The following FIP1L1 variants were observed in gnomAD, a reference collection of about 807,000 sequenced individuals.
FIP1L1 encodes factor interacting with PAPOLA and CPSF1, also known as pre-mRNA 3'-end-processing factor FIP1.
FIP1L1 carries 21 observed loss-of-function variants against 84.6 expected under a neutral mutation model. That is an observed-to-expected ratio of 0.25 (90% confidence interval 0.18 to 0.36). The LOEUF is 0.36. Among genes scored for constraint, FIP1L1 ranks in the 10% least tolerant of loss-of-function variants. The pLI is 1.00. For synonymous variants in FIP1L1, 263 were observed against 242.3 expected, an observed-to-expected ratio of 1.09 and a Z score of -0.80; for missense variants, 526 against 751.1, an observed-to-expected ratio of 0.70 and a Z score of 3.50.
chr4:53,378,716 C>T (rs959764532), intron 1 of FIP1L1: 1 of 224,972 alleles, frequency 4.4e-6, no homozygotes, highest in African/African-American at 2.3e-5. Flanking sequence ...AAGTCACAAT[C>T]CCTTCTTGCT....
intron 10 of FIP1L1, among the ~76,000 whole-genome samples, chr4:53,401,130 C>T (rs1750033408): frequency 6.6e-6 from 1 of 152,158 alleles, no homozygotes; most frequent in Admixed American, 6.5e-5. Context: ...TATCTATATT[C>T]AGTGGATTCA....
intron 16 of FIP1L1, 152 bp from the exon 17 acceptor site, chr4:53,458,501 A>G (rs1720696514): frequency 3.3e-6 from 2 of 602,126 alleles, no homozygotes; most frequent in Admixed American, 3.4e-5. Flanking sequence ...TTTTCCTCTC[A>G]ATTCAACGAA....
intron 10 of FIP1L1, among the ~76,000 whole-genome samples, chr4:53,409,395 G>T (rs1193189380): frequency 1.3e-5 from 2 of 152,238 alleles, no homozygotes; most frequent in Admixed American, 6.5e-5. Context: ...TGAGGTGTCA[G>T]TCTGCCCCTA....
intron 10 of FIP1L1, among the ~76,000 whole-genome samples, chr4:53,404,345 A>AT (rs944439958): frequency 6.6e-6 from 1 of 151,710 alleles, no homozygotes. Context: ...TGAACTCATC[A>AT]TTTTTTTATG....
intron 16 of FIP1L1, among the ~76,000 whole-genome samples, chr4:53,454,542 A>G (rs893190458): frequency 2.0e-5 from 3 of 152,236 alleles, no homozygotes; most frequent in African/African-American, 7.2e-5. Context: ...ATTGTTAGGA[A>G]AAAACAGAGT....
At chr4:53,444,383 A>G (rs62325225) in intron 15 of FIP1L1, among the ~76,000 whole-genome samples, 16,835 of 152,184 alleles carry the variant, frequency 0.11, 1,075 homozygotes, top group East Asian at 0.16. Flanking sequence ...ATTTGTCTCA[A>G]TCTTCGTTGT....
intron 9 of FIP1L1, among the ~76,000 whole-genome samples, chr4:53,398,420 A>G (rs1433864131): frequency 1.3e-5 from 2 of 152,258 alleles, no homozygotes; most frequent in Non-Finnish European, 2.9e-5. Context: ...CTATCTGACT[A>G]TAATGGCTCA....
chr4:53,386,306 A>G (rs1445867375), intron 5 of FIP1L1, among the ~76,000 whole-genome samples: 3 of 152,154 alleles, frequency 2.0e-5, no homozygotes, highest in African/African-American at 4.8e-5. Context: ...TACATTTACC[A>G]TGCTACAAAA....
chr4:53,409,936 C>T (rs899434362), intron 10 of FIP1L1, among the ~76,000 whole-genome samples: 7 of 152,364 alleles, frequency 4.6e-5, no homozygotes, highest in Admixed American at 6.5e-5. Context: ...TGACCCCTTG[C>T]GCTTCCTGAG....
chr4:53,414,370 G>A (rs1758499913), intron 10 of FIP1L1, among the ~76,000 whole-genome samples: 1 of 151,978 alleles, frequency 6.6e-6, no homozygotes, highest in Non-Finnish European at 1.5e-5. Flanking sequence ...TCTCATTTCT[G>A]CATTGACATC....
chr4:53,402,917 A>C (rs1343243712), intron 10 of FIP1L1, among the ~76,000 whole-genome samples: 1 of 152,196 alleles, frequency 6.6e-6, no homozygotes, highest in Non-Finnish European at 1.5e-5. Flanking sequence ...GCACCAGTGC[A>C]GATGGGTAGG....
chr4:53,430,641 C>G (rs1423032151), intron 13 of FIP1L1, among the ~76,000 whole-genome samples: 4 of 152,018 alleles, frequency 2.6e-5, no homozygotes, highest in Non-Finnish European at 5.9e-5. Context: ...CTGACCATTT[C>G]TTTTTCATGT....
intron 15 of FIP1L1, among the ~76,000 whole-genome samples, chr4:53,446,705 A>C: frequency 6.6e-6 from 1 of 152,074 alleles, no homozygotes; most frequent in East Asian, 1.9e-4. Context: ...CTATTTTGTT[A>C]TTCAGTTCCA....
At position 53,389,643 on chromosome 4, in the gene FIP1L1, G is replaced by A. The variant is rs539038956; in HGVS notation, c.333-166G>A. 1.2e-4 allele frequency among the ~76,000 whole-genome samples: 18 copies of A among 152,200 alleles called. No homozygotes were observed. In the Middle Eastern group the frequency reaches 0.014, roughly 115 times the overall value. The stretch of plus-strand genomic sequence containing the variant: ...GACCAGCCTGGACAACATGGTATGA[G>A]ATCTCATCTATACAAAATTTAAAAA... On this transcript the variant is annotated intron_variant, in intron 5 of 17. Transcript: ENST00000337488.
chr4:53,404,468 A>G (rs1337691391), intron 10 of FIP1L1, among the ~76,000 whole-genome samples: 1 of 152,088 alleles, frequency 6.6e-6, no homozygotes, highest in African/African-American at 2.4e-5. Context: ...GCTGCAATAG[A>G]CATACGTGTG....
intron 5 of FIP1L1, among the ~76,000 whole-genome samples, chr4:53,389,196 G>T (rs561867205): frequency 6.6e-6 from 1 of 152,086 alleles, no homozygotes; most frequent in East Asian, 1.9e-4. Flanking sequence ...TATGGACTGA[G>T]TACTCCATGA....
At chr4:53,454,774 CAA>C (rs1011643794) in intron 16 of FIP1L1, among the ~76,000 whole-genome samples, 2 of 152,230 alleles carry the variant, frequency 1.3e-5, no homozygotes, top group African/African-American at 4.8e-5. Context: ...CATTAGGAAA[CAA>C]GAGAGTGAGC....
chr4:53,420,197 C>CAAA (rs1166566869), intron 11 of FIP1L1, among the ~76,000 whole-genome samples: 1,304 of 17,544 alleles, frequency 0.074, 454 homozygotes, highest in Non-Finnish European at 0.089. Flanking sequence ...GACTCCGTCT[C>CAAA]AAAAAAAAAA....
chr4:53,458,797 T>C lies in FIP1L1; in HGVS notation c.1637+7T>C. ...GACATAAGTCTTCTCGAAGGTTTGC[T>C]CTTTAATAAAATAGTGAACCAATAG... is the stretch of plus-strand genomic sequence containing the variant. On this transcript the variant is annotated splice_region_variant and intron_variant, in intron 17 of 17. Transcript: ENST00000337488. 1.2e-6 allele frequency: 2 copies of C among 1,609,128 alleles called. No individual in the cohort carries two copies. The highest frequency in any genetic ancestry group is 1.7e-6 in the Non-Finnish European group (2 of 1,177,704).
Sources: gnomAD v4.1 joint callset for allele counts (sites outside exome capture counted in the v4.1 genomes callset) on GRCh38, gnomAD v4.1.1 for gene constraint, MANE v1.5 for transcripts, NCBI Gene and HGNC (gene_info 2026-07-23, HGNC 2026-07-21) for gene names.